WDR7: variants seen among roughly 807,000 people sequenced by gnomAD.
The protein encoded by WDR7 is WD repeat-containing protein 7.
In WDR7, 46 loss-of-function variants were observed where a neutral mutation model predicts 169.4. That is an observed-to-expected ratio of 0.27 (90% CI 0.21 to 0.35). The LOEUF is 0.35. Among genes scored for constraint, WDR7 ranks in the 10% least tolerant of loss-of-function variants. The probability of loss-of-function intolerance (pLI) is 1.00; values close to 1 mark genes in which losing one functional copy is unlikely to be tolerated. For missense variants in WDR7, 1,534 were observed against 1,859.3 expected (o/e 0.83, Z 3.22); for synonymous variants, 612 against 666.8 (o/e 0.92, Z 1.27).
intron 22 of WDR7, among the ~76,000 whole-genome samples, chr18:56,931,142 A>G (rs75449347): frequency 0.011 from 1,680 of 152,256 alleles, 48 homozygotes; most frequent in African/African-American, 0.039. Context: ...TTTTAGAATA[A>G]AGAGAACCGA....
intron 25 of WDR7, among the ~76,000 whole-genome samples, chr18:56,954,282 A>G (rs2047220554): frequency 6.6e-6 from 1 of 152,194 alleles, no homozygotes. Flanking sequence ...AATATGCTTT[A>G]TATTAAAACA....
chr18:56,763,109 C>T lies in WDR7; in HGVS notation c.2848+4156C>T, dbSNP rs538310289. On this transcript the variant is annotated intron_variant, in intron 16 of 27. Transcript: ENST00000254442. ...CTGAGTAGCTGGGACTACAGGCGCCCGCACCACGCCCAGCTAATTTTTTGT... is the reference window on the plus strand; with the variant it reads ...CTGAGTAGCTGGGACTACAGGCGCCTGCACCACGCCCAGCTAATTTTTTGT... Among the ~76,000 whole-genome samples, 13 of 151,878 alleles carry T rather than the reference C, an allele frequency of 8.6e-5. No homozygotes were observed. The East Asian group carries it at 1.4e-3, about 16-fold the overall frequency.
At chr18:56,689,884 T>C (rs895672350) in intron 7 of WDR7, among the ~76,000 whole-genome samples, 8 of 147,198 alleles carry the variant, frequency 5.4e-5, no homozygotes, top group African/African-American at 2.0e-4. Flanking sequence ...CTTGGAGTTT[T>C]CTTGGCTATA....
intron 16 of WDR7, among the ~76,000 whole-genome samples, chr18:56,773,119 T>C (rs1009194275): frequency 6.6e-5 from 10 of 152,186 alleles, no homozygotes; most frequent in African/African-American, 2.4e-4. Context: ...AGTGCCTTCT[T>C]GTATAATAAC....
intron 21 of WDR7, among the ~76,000 whole-genome samples, chr18:56,918,453 C>T (rs2046660124): frequency 6.6e-6 from 1 of 151,928 alleles, no homozygotes; most frequent in Admixed American, 6.6e-5. Context: ...ATATCATAGA[C>T]TAGTAAAATT....
At chr18:57,024,616 A>C (rs1480586510) in intron 27 of WDR7, among the ~76,000 whole-genome samples, 8 of 130,400 alleles carry the variant, frequency 6.1e-5, no homozygotes, top group Non-Finnish European at 9.8e-5. Context: ...AGGAATAGGG[A>C]TATGTGAGCT....
chr18:56,947,239 TG>T (rs1347173005), intron 25 of WDR7, among the ~76,000 whole-genome samples: 3 of 152,236 alleles, frequency 2.0e-5, no homozygotes, highest in African/African-American at 7.2e-5. Context: ...ATTAGTTTTA[TG>T]TTTATAAATG....
chr18:56,828,533 A>G (rs888719381), intron 20 of WDR7, among the ~76,000 whole-genome samples: 1 of 152,238 alleles, frequency 6.6e-6, no homozygotes, highest in African/African-American at 2.4e-5. Context: ...GACAAGACGG[A>G]TATGGTCCAT....
chr18:56,811,534 G>A (rs2044869478), intron 19 of WDR7, among the ~76,000 whole-genome samples: 1 of 152,042 alleles, frequency 6.6e-6, no homozygotes, highest in African/African-American at 2.4e-5. Context: ...TTTGTGGATT[G>A]TGCTTTTGGT....
intron 22 of WDR7, among the ~76,000 whole-genome samples, chr18:56,931,932 A>G (rs1430665977): frequency 6.6e-6 from 1 of 152,180 alleles, no homozygotes; most frequent in Non-Finnish European, 1.5e-5. Context: ...AGGGAACTAG[A>G]TTATGGAGGG....
intron 19 of WDR7, among the ~76,000 whole-genome samples, chr18:56,805,857 C>T (rs2044764669): frequency 1.3e-5 from 2 of 152,110 alleles, no homozygotes; most frequent in South Asian, 2.1e-4. Context: ...TTTCTCATTG[C>T]CTTTGGGGCT....
At chr18:56,656,102 G>T (rs657002) in intron 1 of WDR7, among the ~76,000 whole-genome samples, 148,787 of 152,214 alleles carry the variant, frequency 0.98, 72,796 homozygotes, top group East Asian at 1. Flanking sequence ...TTCATTTTTT[G>T]GGGGATAAAT....
intron 25 of WDR7, chr18:56,957,506 A>G (rs1331511893): frequency 6.6e-6 from 1 of 151,952 alleles, no homozygotes; most frequent in Non-Finnish European, 1.5e-5. Flanking sequence ...CTCTCTTAAG[A>G]TCCAGATCCA....
At chr18:56,804,477 A>C (rs769813161) in intron 19 of WDR7, among the ~76,000 whole-genome samples, 3 of 152,222 alleles carry the variant, frequency 2.0e-5, no homozygotes, top group Non-Finnish European at 4.4e-5. Context: ...TTCATAGTCC[A>C]CTTCACACAA....
At chr18:56,730,661 G>A (rs1296724679) in intron 13 of WDR7, among the ~76,000 whole-genome samples, 1 of 152,116 alleles carries the variant, frequency 6.6e-6, no homozygotes, top group Non-Finnish European at 1.5e-5. Context: ...AGCTACTCGG[G>A]AGGCTGAGAC....
chr18:57,032,099 G>A (rs138684816), downstream of WDR7: 239 of 152,292 alleles, frequency 1.6e-3, no homozygotes, highest in African/African-American at 5.5e-3. Flanking sequence ...ACCAAAATTT[G>A]TAGACATGAA....
intron 20 of WDR7, among the ~76,000 whole-genome samples, chr18:56,830,270 T>C (rs1235682987): frequency 6.6e-6 from 1 of 152,206 alleles, no homozygotes; most frequent in African/African-American, 2.4e-5. Context: ...ACATTTATAC[T>C]CTTATGGGTT....
chr18:56,924,122 C>T lies in WDR7; in HGVS notation c.3713+14C>T, dbSNP rs2046768565. The T allele has an allele frequency of 6.2e-6, 10 of 1,607,092 alleles. No individual in the cohort carries two copies. The highest frequency in any genetic ancestry group is 8.5e-6 in the Non-Finnish European group (10 of 1,178,174). On this transcript the variant is annotated intron_variant, in intron 22 of 27. Coordinates refer to ENST00000254442, the MANE Select transcript of WDR7 (RefSeq NM_015285.3). ...ACAACTTGCCAAGTATGTGTGGATT[C>T]CGGTTAATTTAATTTGTCACTGTTT...
At chr18:56,953,778 G>T (rs1416167692) in intron 25 of WDR7, among the ~76,000 whole-genome samples, 1 of 152,218 alleles carries the variant, frequency 6.6e-6, no homozygotes, top group Admixed American at 6.5e-5. Context: ...AGTTTTCAAA[G>T]ATGAGTAGAT....
Sources: allele counts gnomAD v4.1 joint callset (sites outside exome capture counted in the v4.1 genomes callset), GRCh38; gene constraint gnomAD v4.1.1; transcripts MANE v1.5; gene names NCBI Gene and HGNC (gene_info 2026-07-23, HGNC 2026-07-21).